The following TENM2 variants were observed in gnomAD, a reference collection of about 807,000 sequenced individuals.
The protein encoded by TENM2 is teneurin-2.
In TENM2, 52 loss-of-function variants were observed where a neutral mutation model predicts 245.2. The ratio of observed to expected loss-of-function variants is 0.21; its 90% CI spans 0.17 to 0.27. TENM2 has a LOEUF of 0.27. TENM2 is among the 10% of genes least tolerant of loss of function. TENM2 has a pLI of 1.00. For missense variants in TENM2, 3,046 were observed against 3,666.8 expected, an observed-to-expected ratio of 0.83 and a Z score of 4.37; for synonymous variants, 1,363 against 1,438.9, an observed-to-expected ratio of 0.95 and a Z score of 1.19.
chr5:168,062,897 G>C (rs1039638638), intron 7 of TENM2, among the ~76,000 whole-genome samples: 1 of 152,152 alleles, frequency 6.6e-6, no homozygotes, highest in African/African-American at 2.4e-5. Flanking sequence ...GGGGTTTTTG[G>C]GGGGTAGTGA....
rs943937646 is a variant in TENM2, at chr5:167,766,898, C to CAAAAACA, written c.503-109068_503-109062dup. 4.0e-5 allele frequency among the ~76,000 whole-genome samples: 6 copies of CAAAAACA among 151,512 alleles called. No homozygotes were observed. In the East Asian group the frequency reaches 5.8e-4, roughly 15 times the overall value. ...CATCTCAAAAAAACAAAAACAAAAACAAAAACAAAAAACAAAAAACAAAAA... is the reference window on the plus strand; with the variant it reads ...CATCTCAAAAAAACAAAAACAAAAACAAAAACAAAAAACAAAAAACAAAAAACAAAAA... On this transcript the variant is annotated intron_variant, in intron 2 of 28. Transcript: ENST00000518659.
intron 1 of TENM2, among the ~76,000 whole-genome samples, chr5:167,358,622 T>C (rs1442506976): frequency 6.6e-6 from 1 of 151,944 alleles, no homozygotes; most frequent in Non-Finnish European, 1.5e-5. Context: ...CTACATTTAT[T>C]CCAAACTGGG....
chr5:167,238,075 A>T, the TENM2 span, among the ~76,000 whole-genome samples: 1 of 151,448 alleles, frequency 6.6e-6, no homozygotes, highest in African/African-American at 2.4e-5. Flanking sequence ...AATGTATGGA[A>T]TGTACAGACA....
chr5:167,379,513 G>A (rs973181748), intron 2 of TENM2, among the ~76,000 whole-genome samples: 4 of 152,126 alleles, frequency 2.6e-5, no homozygotes, highest in African/African-American at 9.7e-5. Flanking sequence ...AATAAATCTA[G>A]CATTGGAGCG....
chr5:167,667,936 C>G (rs185611170), intron 2 of TENM2, among the ~76,000 whole-genome samples: 14 of 152,266 alleles, frequency 9.2e-5, no homozygotes, highest in Middle Eastern at 3.4e-3. Flanking sequence ...GGCATCTAAC[C>G]AAGGAAAACA....
chr5:168,080,493 T>C (rs1791894777), intron 7 of TENM2, among the ~76,000 whole-genome samples: 1 of 152,224 alleles, frequency 6.6e-6, no homozygotes, highest in Non-Finnish European at 1.5e-5. Flanking sequence ...TGTTTGCTCT[T>C]GCTTCTCTAG....
chr5:167,954,764 G>C (rs1359285123), intron 4 of TENM2, among the ~76,000 whole-genome samples: 1 of 152,064 alleles, frequency 6.6e-6, no homozygotes, highest in African/African-American at 2.4e-5. Flanking sequence ...ATGGTTTCCC[G>C]CTTCATTCAT....
chr5:167,871,001 G>A (rs1244672784), intron 2 of TENM2, among the ~76,000 whole-genome samples: 1 of 152,114 alleles, frequency 6.6e-6, no homozygotes, highest in Non-Finnish European at 1.5e-5. Flanking sequence ...AAAAAGGGTT[G>A]GGCAGAGCAG....
At chr5:167,087,791 C>CT in the TENM2 span, among the ~76,000 whole-genome samples, 753 of 151,294 alleles carry the variant, frequency 5.0e-3, 7 homozygotes, top group African/African-American at 0.017. Context: ...AGCAATATCT[C>CT]TCTTTTTTTT....
intron 1 of TENM2, among the ~76,000 whole-genome samples, chr5:167,310,229 C>T (rs557849129): frequency 5.3e-5 from 8 of 152,332 alleles, no homozygotes; most frequent in Non-Finnish European, 8.8e-5. Context: ...TTATGCTCTA[C>T]GGCTGTCGCC....
intron 12 of TENM2, among the ~76,000 whole-genome samples, chr5:168,161,817 T>TACACACACAC (rs113801768): frequency 0.026 from 3,819 of 147,306 alleles, 135 homozygotes; most frequent in East Asian, 0.17. Flanking sequence ...AGCGCATGTA[T>TACACACACAC]ACACACACAC....
At chr5:167,245,069 G>A in the TENM2 span, among the ~76,000 whole-genome samples, 1 of 152,054 alleles carries the variant, frequency 6.6e-6, no homozygotes, top group Non-Finnish European at 1.5e-5. Context: ...CTAATTCTTA[G>A]TTGCCATTTT....
intron 1 of TENM2, 120 bp from the exon 4 acceptor site, chr5:167,375,078 C>T (rs372866479): frequency 2.0e-6 from 2 of 980,292 alleles, no homozygotes. Flanking sequence ...TTCTGTACAC[C>T]ATGGTGAATT....
chr5:168,029,281 C>T (rs1318284647), intron 5 of TENM2, among the ~76,000 whole-genome samples: 1 of 152,152 alleles, frequency 6.6e-6, no homozygotes, highest in East Asian at 1.9e-4. Context: ...GAGGGATAGA[C>T]ATTCAAGCCA....
chr5:168,057,763 A>G (rs1206672738), intron 6 of TENM2, among the ~76,000 whole-genome samples: 1 of 152,174 alleles, frequency 6.6e-6, no homozygotes, highest in Non-Finnish European at 1.5e-5. Context: ...TTCAATAGTA[A>G]ATTTCATATA....
intron 2 of TENM2, among the ~76,000 whole-genome samples, chr5:167,547,288 C>T (rs1215931188): frequency 1.3e-5 from 2 of 152,070 alleles, no homozygotes; most frequent in Non-Finnish European, 2.9e-5. Flanking sequence ...CCAGGCTGGT[C>T]TCGAACACCT....
intron 27 of TENM2, among the ~76,000 whole-genome samples, chr5:168,258,060 A>G (rs1166503518): frequency 6.6e-6 from 1 of 152,230 alleles, no homozygotes; most frequent in Non-Finnish European, 1.5e-5. Flanking sequence ...ACACATACTC[A>G]GGACCTATTG....
At chr5:167,429,683 T>C (rs574063658) in intron 2 of TENM2, among the ~76,000 whole-genome samples, 3 of 146,390 alleles carry the variant, frequency 2.0e-5, no homozygotes, top group South Asian at 4.3e-4. Flanking sequence ...CGCGGCTCAG[T>C]GCAACCTCCG....
intron 2 of TENM2, among the ~76,000 whole-genome samples, chr5:167,860,381 C>G (rs1428987374): frequency 3.5e-4 from 33 of 94,450 alleles, no homozygotes; most frequent in African/African-American, 1.7e-3. Flanking sequence ...GGGTCAGCCC[C>G]CCGCCCGGCC....
Sources: allele counts gnomAD v4.1 joint callset (sites outside exome capture counted in the v4.1 genomes callset), GRCh38; gene constraint gnomAD v4.1.1; transcripts MANE v1.5; gene names NCBI Gene and HGNC (gene_info 2026-07-23, HGNC 2026-07-21).